ZNF678: variants seen among roughly 807,000 people sequenced by gnomAD.
ZNF678 encodes zinc finger protein 678, also known as hypothetical protein MGC42493.
ZNF678 carries 5 observed loss-of-function variants against 3.0 expected under a neutral mutation model. The observed-to-expected ratio is 1.69, with a 90% CI of 0.88 to 3.56. The LOEUF is 3.56. ZNF678 is among the 30% of genes most tolerant of loss of function. ZNF678 has a pLI of 0.00. For synonymous variants in ZNF678, 218 were observed against 199.6 expected (o/e 1.09, Z -0.78); for missense variants, 593 against 605.0 (o/e 0.98, Z 0.21).
At chr1:227,595,876 T>C (rs746433299) in intron 1 of ZNF678, among the ~76,000 whole-genome samples, 1 of 152,026 alleles carries the variant, frequency 6.6e-6, no homozygotes, top group Non-Finnish European at 1.5e-5. Context: ...CCAAGACCAG[T>C]CCTGTCAAGC....
chr1:227,674,398 T>C (rs1188455872), intron 5 of ZNF678, among the ~76,000 whole-genome samples: 1 of 152,028 alleles, frequency 6.6e-6, no homozygotes, highest in Non-Finnish European at 1.5e-5. Flanking sequence ...AGGATAGGAA[T>C]CAAGTATAAG....
chr1:227,607,444 T>C (rs1657902626), intron 1 of ZNF678, among the ~76,000 whole-genome samples: 1 of 152,100 alleles, frequency 6.6e-6, no homozygotes, highest in South Asian at 2.1e-4. Context: ...TGACTTTAAG[T>C]TTTATCAAAT....
rs553901089 is a variant in ZNF678, at chr1:227,567,950, C to T, written c.-164+4226C>T. On this transcript the variant is annotated intron_variant, in intron 1 of 3. Coordinates refer to ENST00000343776, the MANE Select transcript of ZNF678 (RefSeq NM_001367909.1). ...GAAAAGGGCTTTATTTAAAGAGGAA[C>T]ACACAAAACTAGAAAGAATGTGGGA... is the stretch of plus-strand genomic sequence containing the variant. Among the ~76,000 whole-genome samples the T allele has an allele frequency of 5.3e-5, 8 of 152,144 alleles. No homozygotes were observed. The East Asian group carries it at 1.5e-3, about 29-fold the overall frequency.
At chr1:227,644,061 C>T (rs926237941) in intron 1 of ZNF678, among the ~76,000 whole-genome samples, 5 of 151,474 alleles carry the variant, frequency 3.3e-5, no homozygotes, top group African/African-American at 9.7e-5. Context: ...GGCGGGGTTT[C>T]GCCATGTTGG....
chr1:227,567,760 T>G (rs902875174), intron 1 of ZNF678, among the ~76,000 whole-genome samples: 2 of 152,096 alleles, frequency 1.3e-5, no homozygotes, highest in Non-Finnish European at 2.9e-5. Context: ...CCATTGTAGT[T>G]TGGGTGATTT....
At chr1:227,635,515 T>TTGTGTGTGTGTGTG (rs56135481) in intron 1 of ZNF678, among the ~76,000 whole-genome samples, 2,163 of 127,950 alleles carry the variant, frequency 0.017, 39 homozygotes, top group Middle Eastern at 0.029. Context: ...GGGTGAACAT[T>TTGTGTGTGTGTGTG]TGTGTGTGTG....
chr1:227,594,988 A>G (rs763213329), intron 1 of ZNF678, among the ~76,000 whole-genome samples: 3 of 152,186 alleles, frequency 2.0e-5, no homozygotes, highest in Non-Finnish European at 4.4e-5. Context: ...TCTGTGGATT[A>G]CTGGGTTAAG....
chr1:227,663,776 TGA>T (rs1300262752), downstream of ZNF678, among the ~76,000 whole-genome samples: 2 of 152,136 alleles, frequency 1.3e-5, no homozygotes, highest in African/African-American at 4.8e-5. Context: ...GAAAGAATGG[TGA>T]GTTACCCTAG....
intron 1 of ZNF678, among the ~76,000 whole-genome samples, chr1:227,575,920 C>T (rs529999486): frequency 2.2e-4 from 34 of 152,232 alleles, no homozygotes; most frequent in Admixed American, 1.4e-3. Context: ...TATGTTCCTT[C>T]AATATCTAGT....
intron 1 of ZNF678, among the ~76,000 whole-genome samples, chr1:227,620,214 A>G (rs898877803): frequency 6.6e-5 from 10 of 152,194 alleles, no homozygotes; most frequent in Non-Finnish European, 8.8e-5. Flanking sequence ...TTGAAATCCT[A>G]TTTAACATAC....
chr1:227,654,600 G>A lies in ZNF678; in HGVS notation c.350G>A (p.Arg117Lys). 3 of 1,613,120 alleles carry A rather than the reference G, an allele frequency of 1.9e-6. No individual in the cohort carries two copies. The South Asian group carries it at 3.3e-5, about 18-fold the overall frequency. ...AGGTCAATCCTTACTGAACATAAGA[G>A]AATTCATACTGGAGAGAAGCCATAC... ...SWRSILTEHK[R>K]IHTGEKPYKC... Residue 117 changes from arginine to lysine, a missense_variant, in exon 4 of 4, where the codon AGA becomes AAA. By Grantham distance (26) the Arg-to-Lys change is conservative (BLOSUM62 2). Coordinates refer to ENST00000343776, the MANE Select transcript of ZNF678 (RefSeq NM_001367909.1).
rs1434165040 is a variant in ZNF678, at chr1:227,655,008, C to T, written c.758C>T (p.Thr253Ile). 1 of 1,611,914 alleles carries T rather than the reference C, an allele frequency of 6.2e-7. No homozygotes were observed. The highest frequency in any genetic ancestry group is 1.1e-5 in the South Asian group (1 of 90,922). ...CKAFNKFSNL[T>I]QHKRIHTGEK... ...GCCTTTAACAAGTTCTCAAACCTTA[C>T]TCAACATAAGAGAATTCATACTGGA... The change falls in exon 4 of 4, where the codon ACT (threonine) becomes ATT (isoleucine). Residue 253 changes from threonine to isoleucine, a missense_variant. By Grantham distance (89) the Thr-to-Ile change is moderately conservative. Transcript: ENST00000343776.
chr1:227,624,806 G>T (rs1471599127), intron 1 of ZNF678, among the ~76,000 whole-genome samples: 1 of 152,178 alleles, frequency 6.6e-6, no homozygotes, highest in Non-Finnish European at 1.5e-5. Flanking sequence ...TGGGCACCTC[G>T]CTGGATCAGA....
At chr1:227,628,222 C>T (rs1180448123) in intron 1 of ZNF678, among the ~76,000 whole-genome samples, 1 of 152,250 alleles carries the variant, frequency 6.6e-6, no homozygotes, top group East Asian at 1.9e-4. Context: ...ACATCAGTTT[C>T]CTTACTCAGG....
intron 1 of ZNF678, among the ~76,000 whole-genome samples, chr1:227,620,019 C>T (rs1186486038): frequency 6.6e-6 from 1 of 152,168 alleles, no homozygotes; most frequent in Non-Finnish European, 1.5e-5. Flanking sequence ...CTTTACCTTA[C>T]TCCAGGTAAT....
chr1:227,577,345 C>A (rs1216666538), intron 1 of ZNF678, among the ~76,000 whole-genome samples: 1 of 152,018 alleles, frequency 6.6e-6, no homozygotes, highest in East Asian at 1.9e-4. Flanking sequence ...TATTAAAGCC[C>A]CCTACTATTA....
Position 227,661,540 on chromosome 1 carries a change from A to C in ZNF678, c.*5712A>C, listed in dbSNP as rs1017246989. 1 of 152,182 alleles carries C rather than the reference A, an allele frequency of 6.6e-6. No individual in the cohort carries two copies. Among genetic ancestry groups the C allele is most frequent in the African/African-American group, 2.4e-5 (1 of 41,438 alleles). The allele number at this position is 152,182 out of a possible 1,614,324, so 9.4% of individuals were successfully genotyped here. ...CCACAGCATGCCCAGAAGCCTTTTT[A>C]TGGAGCCAGGCATGGTTGACCTGCT... is the stretch of plus-strand genomic sequence containing the variant. On this transcript the variant is annotated 3_prime_UTR_variant, in exon 4 of 4. Transcript: ENST00000343776.
At chr1:227,641,141 TTGTC>T (rs769407242) in intron 1 of ZNF678, among the ~76,000 whole-genome samples, 7 of 152,208 alleles carry the variant, frequency 4.6e-5, no homozygotes, top group Non-Finnish European at 1.0e-4. Context: ...GGAGTTTCCT[TTGTC>T]TGGCTGCTAT....
At chr1:227,666,878 G>A (rs1659512005), downstream of ZNF678, among the ~76,000 whole-genome samples, 1 of 151,006 alleles carries the variant, frequency 6.6e-6, no homozygotes, top group South Asian at 2.1e-4. Context: ...CCAAGTAGCT[G>A]GGATTACGGG....
Sources: allele counts gnomAD v4.1 joint callset (sites outside exome capture counted in the v4.1 genomes callset), GRCh38; gene constraint gnomAD v4.1.1; transcripts MANE v1.5; gene names NCBI Gene and HGNC (gene_info 2026-07-23, HGNC 2026-07-21).